SORCS1: variants seen among roughly 807,000 people sequenced by gnomAD.
The protein encoded by SORCS1 is sortilin related VPS10 domain containing receptor 1, also known as VPS10 domain-containing receptor SorCS1.
SORCS1 carries 60 observed loss-of-function variants against 146.1 expected under a neutral mutation model. The observed-to-expected ratio is 0.41, with a 90% CI of 0.33 to 0.51. The LOEUF is 0.51. Ranked by LOEUF, SORCS1 falls within the 20% of genes least tolerant of loss-of-function variation. The pLI, the probability that SORCS1 is intolerant of heterozygous loss-of-function variation, is 0.21. For missense variants in SORCS1, 1,352 were observed against 1,487.6 expected (o/e 0.91, Z 1.50); for synonymous variants, 637 against 584.0 (o/e 1.09, Z -1.31).
intron 1 of SORCS1, among the ~76,000 whole-genome samples, chr10:107,009,437 C>T (rs887518685): frequency 1.3e-5 from 2 of 152,118 alleles, no homozygotes; most frequent in African/African-American, 4.8e-5. Flanking sequence ...CTGATCAACA[C>T]GAAGGGCAAG....
intron 5 of SORCS1, among the ~76,000 whole-genome samples, chr10:106,733,831 GT>G (rs1856774659): frequency 6.6e-6 from 1 of 152,090 alleles, no homozygotes; most frequent in African/African-American, 2.4e-5. Context: ...GGGCACCTTT[GT>G]TTTATGCCTC....
intron 2 of SORCS1, among the ~76,000 whole-genome samples, chr10:106,938,539 T>G (rs544364609): frequency 3.3e-5 from 5 of 152,342 alleles, no homozygotes; most frequent in African/African-American, 1.2e-4. Context: ...CCCTGCATCC[T>G]GCAGTCCAGA....
chr10:106,649,536 G>A (rs886493894), intron 18 of SORCS1, among the ~76,000 whole-genome samples: 11 of 152,196 alleles, frequency 7.2e-5, no homozygotes, highest in South Asian at 6.2e-4. Flanking sequence ...AAACACCTCT[G>A]TTTGATTTTA....
At chr10:107,042,164 C>T (rs980639958) in intron 1 of SORCS1, among the ~76,000 whole-genome samples, 2 of 152,188 alleles carry the variant, frequency 1.3e-5, no homozygotes, top group African/African-American at 4.8e-5. Context: ...CAGACAGCCA[C>T]GGATCTCCTG....
intron 2 of SORCS1, among the ~76,000 whole-genome samples, chr10:106,890,608 T>C (rs1389554019): frequency 6.6e-6 from 1 of 152,104 alleles, no homozygotes; most frequent in Non-Finnish European, 1.5e-5. Flanking sequence ...GTCAAATAAA[T>C]CAGTGGGCTA....
At chr10:106,999,579 A>C (rs572103416) in intron 1 of SORCS1, among the ~76,000 whole-genome samples, 1 of 152,184 alleles carries the variant, frequency 6.6e-6, no homozygotes, top group Non-Finnish European at 1.5e-5. Context: ...TCATCTCTTC[A>C]CTTTGTCAGA....
At chr10:106,737,315 A>G (rs1471335285) in intron 5 of SORCS1, among the ~76,000 whole-genome samples, 1 of 151,854 alleles carries the variant, frequency 6.6e-6, no homozygotes, top group African/African-American at 2.4e-5. Context: ...TCCTTTCCCC[A>G]CTTTCCCTTT....
intron 6 of SORCS1, among the ~76,000 whole-genome samples, chr10:106,722,167 AAAGAT>A (rs999372162): frequency 7.9e-5 from 12 of 151,984 alleles, no homozygotes; most frequent in African/African-American, 1.2e-4. Context: ...ATAACAATAA[AAAGAT>A]AAGAGTTTAT....
In SORCS1 at chr10:106,701,160, T is replaced by C. The variant is rs193046546; in HGVS notation, c.1234-1767A>G. On this transcript the variant is annotated intron_variant, in intron 8 of 25. Coordinates refer to ENST00000263054, the MANE Select transcript of SORCS1 (RefSeq NM_052918.5). The stretch of plus-strand genomic sequence containing the variant: ...AAGGCTATGTAAATAGTTGTATCAT[T>C]TATTTAATTTGTATTACTTTGTATT... Among the ~76,000 whole-genome samples the C allele has an allele frequency of 4.5e-3, 690 of 152,350 alleles. 10 individuals are homozygous for C. Among genetic ancestry groups the C allele is most frequent in the Middle Eastern group, 0.01 (3 of 294 alleles).
At chr10:106,703,805 T>C (rs1854308047) in intron 8 of SORCS1, among the ~76,000 whole-genome samples, 2 of 152,182 alleles carry the variant, frequency 1.3e-5, no homozygotes, top group African/African-American at 2.4e-5. Flanking sequence ...TTTTTGAAGG[T>C]ATAATGGGAT....
At chr10:107,061,876 GT>G (rs1300089901) in intron 1 of SORCS1, among the ~76,000 whole-genome samples, 5 of 152,158 alleles carry the variant, frequency 3.3e-5, no homozygotes, top group Admixed American at 2.0e-4. Flanking sequence ...ACAGAATAAG[GT>G]TAAGTGAATA....
intron 17 of SORCS1, among the ~76,000 whole-genome samples, chr10:106,655,148 C>T (rs1182128991): frequency 6.6e-6 from 1 of 152,174 alleles, no homozygotes; most frequent in Middle Eastern, 3.2e-3. Flanking sequence ...AGCCACCACG[C>T]CTGGCCTCAT....
At chr10:106,999,193 C>A (rs976772599) in intron 1 of SORCS1, among the ~76,000 whole-genome samples, 1 of 152,074 alleles carries the variant, frequency 6.6e-6, no homozygotes, top group African/African-American at 2.4e-5. Context: ...CATACACACA[C>A]GAACATACAC....
rs560509840 is a variant in SORCS1, at chr10:106,980,795, T to C, written c.559-24215A>G. Among the ~76,000 whole-genome samples the C allele has an allele frequency of 3.3e-5, 5 of 152,344 alleles. No homozygotes were observed. In the East Asian group the frequency reaches 9.6e-4, roughly 29 times the overall value. On this transcript the variant is annotated intron_variant, in intron 1 of 25. Coordinates refer to ENST00000263054, the MANE Select transcript of SORCS1 (RefSeq NM_052918.5). ...ACTGTAATGCAAAGGTCATATTTTC[T>C]AAGCTTTATAGATTGCAATTTGTAA...
chr10:106,616,793 T>C (rs1381878248), intron 21 of SORCS1, among the ~76,000 whole-genome samples: 2 of 152,160 alleles, frequency 1.3e-5, no homozygotes, highest in Non-Finnish European at 2.9e-5. Context: ...TATTTTCTGA[T>C]TTTGAAGGTC....
intron 1 of SORCS1, among the ~76,000 whole-genome samples, chr10:107,159,978 C>T (rs1009612054): frequency 3.3e-5 from 5 of 152,124 alleles, no homozygotes; most frequent in African/African-American, 9.7e-5. Flanking sequence ...GCTGAATGAT[C>T]GCAGGTTACC....
chr10:106,751,881 A>G (rs1858272506), intron 5 of SORCS1, among the ~76,000 whole-genome samples: 1 of 152,196 alleles, frequency 6.6e-6, no homozygotes, highest in African/African-American at 2.4e-5. Flanking sequence ...TGTAGTACAC[A>G]AGATAGAAAT....
At chr10:106,643,669 T>C (rs1177595379) in intron 18 of SORCS1, among the ~76,000 whole-genome samples, 1 of 152,232 alleles carries the variant, frequency 6.6e-6, no homozygotes, top group East Asian at 1.9e-4. Flanking sequence ...GTTATCTTTT[T>C]TCCTTCTTGT....
upstream of SORCS1, among the ~76,000 whole-genome samples, chr10:107,165,060 TC>T (rs1252388062): frequency 5.9e-5 from 9 of 152,122 alleles, no homozygotes; most frequent in South Asian, 1.9e-3. The surrounding 1 kb of genome is among the most constrained non-coding windows in gnomAD (Gnocchi z 4.0). Context: ...AGCTTCCTAT[TC>T]CTGCTTTATT....
Sources: gnomAD v4.1 joint callset for allele counts (sites outside exome capture counted in the v4.1 genomes callset) on GRCh38, gnomAD v4.1.1 for gene constraint, Gnocchi (gnomAD v3.1) non-coding constraint, MANE v1.5 for transcripts, NCBI Gene and HGNC (gene_info 2026-07-23, HGNC 2026-07-21) for gene names.